Variants in PIK3R3 observed in about 807,000 individuals in gnomAD.
PIK3R3 encodes phosphoinositide-3-kinase regulatory subunit 3.
PIK3R3 carries 64 observed loss-of-function variants against 62.9 expected under a neutral mutation model. The observed-to-expected ratio is 1.02, with a 90% confidence interval of 0.83 to 1.25. PIK3R3 has a LOEUF of 1.25. Among genes scored for constraint, PIK3R3 ranks in the 50% most tolerant of loss-of-function variants. The pLI is 0.00. For missense variants in PIK3R3, 614 were observed against 561.6 expected (o/e 1.09, Z -0.94); for synonymous variants, 165 against 189.0 (o/e 0.87, Z 1.04).
intron 3 of PIK3R3, among the ~76,000 whole-genome samples, chr1:46,070,541 T>C (rs1344594167): frequency 6.6e-6 from 1 of 152,236 alleles, no homozygotes; most frequent in Non-Finnish European, 1.5e-5. Flanking sequence ...GCAGGATGAA[T>C]GCATTGTGGA....
intron 1 of PIK3R3, among the ~76,000 whole-genome samples, chr1:46,129,538 G>A (rs578124189): frequency 1.2e-3 from 177 of 152,008 alleles, no homozygotes; most frequent in Non-Finnish European, 2.0e-3. Context: ...TAACATTACC[G>A]TGGCTTGAAC....
the PIK3R3 span, among the ~76,000 whole-genome samples, chr1:46,174,005 G>T: frequency 5.9e-5 from 9 of 152,192 alleles, no homozygotes; most frequent in African/African-American, 2.2e-4. Context: ...GTGAAGGCAT[G>T]TGTCTGCATC....
the PIK3R3 span, among the ~76,000 whole-genome samples, chr1:46,150,577 G>A: frequency 1.3e-5 from 2 of 152,172 alleles, no homozygotes; most frequent in Non-Finnish European, 2.9e-5. Context: ...CATTCTTGGA[G>A]AGAGAAAACT....
chr1:46,098,105 C>A (rs572819704), intron 1 of PIK3R3, among the ~76,000 whole-genome samples: 1 of 151,980 alleles, frequency 6.6e-6, no homozygotes, highest in African/African-American at 2.4e-5. Flanking sequence ...TAGCAATGAA[C>A]AATCCAAAAA....
intron 1 of PIK3R3, among the ~76,000 whole-genome samples, chr1:46,117,501 A>T (rs1654289810): frequency 6.6e-6 from 1 of 152,210 alleles, no homozygotes; most frequent in Non-Finnish European, 1.5e-5. Flanking sequence ...GTAACTCATG[A>T]ACAAGCTTTC....
chr1:46,144,658 C>T, the PIK3R3 span, among the ~76,000 whole-genome samples: 6 of 151,230 alleles, frequency 4.0e-5, no homozygotes, highest in South Asian at 1.1e-3. Context: ...GTCCCAGCTA[C>T]TTAGGAGGCT....
intron 7 of PIK3R3, among the ~76,000 whole-genome samples, chr1:46,049,912 G>C (rs1647218026): frequency 6.6e-6 from 1 of 152,020 alleles, no homozygotes; most frequent in Non-Finnish European, 1.5e-5. Context: ...CTGAGATCAG[G>C]AGTTCGAGAC....
the PIK3R3 span, among the ~76,000 whole-genome samples, chr1:46,160,856 G>A: frequency 3.2e-4 from 48 of 152,302 alleles, 1 homozygote; most frequent in Non-Finnish European, 6.0e-4. Flanking sequence ...GGAACACATG[G>A]ACCAAGATGG....
rs80066864 is a variant in PIK3R3 at position 46,073,966 on chromosome 1, A to G, written c.314+3549T>C. 3.5e-3 allele frequency among the ~76,000 whole-genome samples: 519 copies of G among 150,382 alleles called. 6 individuals carry two copies. The highest frequency in any genetic ancestry group is 0.032 in the East Asian group (161 of 4,974). On this transcript the variant is annotated intron_variant, in intron 3 of 9. Coordinates refer to ENST00000262741, the MANE Select transcript of PIK3R3 (RefSeq NM_003629.4). ...GCCTTTTCTAACTCCCTGAGCCACA[A>G]TATTAAATGCAGAATGTGTTTGGTG...
chr1:46,089,468 C>G (rs1052033382), intron 1 of PIK3R3, among the ~76,000 whole-genome samples: 4 of 152,068 alleles, frequency 2.6e-5, no homozygotes, highest in African/African-American at 9.7e-5. Context: ...GTAATCCCAG[C>G]ACTTTGGGAG....
intron 1 of PIK3R3, among the ~76,000 whole-genome samples, chr1:46,129,576 C>T (rs982586725): frequency 6.6e-6 from 1 of 151,988 alleles, no homozygotes; most frequent in Admixed American, 6.6e-5. Context: ...GCAGTTAGTA[C>T]GCTATCACAG....
intron 1 of PIK3R3, among the ~76,000 whole-genome samples, chr1:46,110,336 G>A (rs1380821133): frequency 6.8e-6 from 1 of 147,986 alleles, no homozygotes; most frequent in African/African-American, 2.5e-5. Context: ...TGGCCAGGCT[G>A]GTCTCGAACT....
chr1:46,126,051 C>T (rs971414015), intron 1 of PIK3R3, among the ~76,000 whole-genome samples: 13 of 152,088 alleles, frequency 8.5e-5, no homozygotes, highest in Non-Finnish European at 1.6e-4. Context: ...TGAGCCACCG[C>T]GCTTTGCCGC....
rs1174594203 is a variant in PIK3R3, at chr1:46,055,896, A to G, written c.840T>C (p.Asp280=). Residue 280 remains aspartate (D), a synonymous_variant, in exon 7 of 10, where the codon GAT becomes GAC. Transcript: ENST00000262741. ...GGTTGTCCAAAGCTTGATTCTTCAA[A>G]TCCTGCTCTAGACGCATTTTGCTAT... The part of the protein sequence containing the change: ...IHDSKMRLEQ[D]LKNQALDNRE... 1 of 1,610,556 alleles carries G rather than the reference A, an allele frequency of 6.2e-7. No individual in the cohort carries two copies. Among genetic ancestry groups the G allele is most frequent in the African/African-American group, 1.3e-5 (1 of 74,766 alleles).
At chr1:46,069,960 C>G (rs1340770294) in intron 3 of PIK3R3, among the ~76,000 whole-genome samples, 2 of 152,092 alleles carry the variant, frequency 1.3e-5, no homozygotes, top group African/African-American at 2.4e-5. Flanking sequence ...AATGAACTGA[C>G]TAAATGGTTT....
chr1:46,140,558 T>A, the PIK3R3 span, among the ~76,000 whole-genome samples: 1 of 152,192 alleles, frequency 6.6e-6, no homozygotes, highest in Non-Finnish European at 1.5e-5. Context: ...GGATCCTAGA[T>A]CTAATGATCA....
At position 46,132,020 on chromosome 1, in the gene PIK3R3, A is replaced by T; in HGVS notation, c.-68T>A. The T allele has an allele frequency of 1.3e-6, 2 of 1,574,070 alleles. No homozygotes were observed. The highest frequency in any genetic ancestry group is 1.7e-6 in the Non-Finnish European group (2 of 1,162,096). ...TATATTTTTTATCTGGTATTTAAAAATCTAAAAATATATATCTGCAAAAGT... is the reference window on the plus strand; with the variant it reads ...TATATTTTTTATCTGGTATTTAAAATTCTAAAAATATATATCTGCAAAAGT... On this transcript the variant is annotated 5_prime_UTR_variant, in exon 1 of 10. Coordinates refer to ENST00000262741, the MANE Select transcript of PIK3R3 (RefSeq NM_003629.4).
chr1:46,077,527 G>A lies in PIK3R3; in HGVS notation c.302C>T (p.Thr101Ile). The A allele has an allele frequency of 6.2e-7, 1 of 1,604,584 alleles. No individual in the cohort carries two copies. Among genetic ancestry groups the A allele is most frequent in the African/African-American group, 1.3e-5 (1 of 74,850 alleles). ...GAAAAGTACTTACCGCAAAGTCAAA[G>A]TATAATCTCCCTGCATTTTTGTTGA... ...DASTKMQGDYTLTLRKGGNNK... is the reference protein window; with the variant it reads ...DASTKMQGDYILTLRKGGNNK... The change falls in exon 3 of 10, where the codon ACT becomes ATT. Residue 101 changes from threonine (T) to isoleucine (I), a missense_variant. Physicochemically the swap from Thr to Ile is moderately conservative, Grantham distance 89. Coordinates refer to ENST00000262741, the MANE Select transcript of PIK3R3 (RefSeq NM_003629.4).
the PIK3R3 span, among the ~76,000 whole-genome samples, chr1:46,146,537 G>T: frequency 6.6e-6 from 1 of 152,140 alleles, no homozygotes; most frequent in African/African-American, 2.4e-5. Flanking sequence ...AATGGGAAAG[G>T]TGTTCAGATG....
Sources: gnomAD v4.1 joint callset for allele counts (sites outside exome capture counted in the v4.1 genomes callset) on GRCh38, gnomAD v4.1.1 for gene constraint, MANE v1.5 for transcripts, NCBI Gene and HGNC (gene_info 2026-07-23, HGNC 2026-07-21) for gene names.